The following VANGL2 variants were observed in gnomAD, a reference collection of about 807,000 sequenced individuals.
VANGL2 encodes the protein VANGL planar cell polarity protein 2.
VANGL2 carries 14 observed loss-of-function variants against 50.2 expected under a neutral mutation model. The ratio of observed to expected loss-of-function variants is 0.28; its 90% CI spans 0.18 to 0.44. The LOEUF (loss-of-function observed/expected upper bound fraction) is 0.44, where lower values mean the gene tolerates loss of function less well. VANGL2 is among the 20% of genes least tolerant of loss of function. The pLI is 1.00. For synonymous variants in VANGL2, 295 were observed against 297.2 expected (o/e 0.99, Z 0.08); for missense variants, 533 against 701.5 (o/e 0.76, Z 2.71).
intron 1 of VANGL2, among the ~76,000 whole-genome samples, chr1:160,403,639 G>A (rs1322253384): frequency 2.0e-5 from 3 of 148,540 alleles, no homozygotes; most frequent in Non-Finnish European, 3.0e-5. Context: ...AAAAGGAAGA[G>A]ATCTGATCCC....
intron 1 of VANGL2, among the ~76,000 whole-genome samples, chr1:160,405,092 C>T (rs1650605405): frequency 6.6e-6 from 1 of 152,138 alleles, no homozygotes; most frequent in African/African-American, 2.4e-5. Flanking sequence ...CTCTTTCCTC[C>T]TCTTTCCTGG....
chr1:160,419,077 C>G lies in VANGL2; in HGVS notation c.268C>G (p.Arg90Gly). Residue 90 changes from arginine to glycine, a missense_variant, in exon 4 of 8, where the codon CGC becomes GGC. Transcript: ENST00000368061. This position sits in a 1 kb window ranked among gnomAD's most constrained non-coding sequence, Gnocchi z 5.8. ...CAGCATCTCCCATGATGACCTCACA[C>G]GCATCGCCAAGGACATGGAGGACAG... ...EHSISHDDLT[R>G]IAKDMEDSVP... 6.2e-7 allele frequency: 1 copy of G among 1,614,010 alleles called. No individual in the cohort carries two copies. Among genetic ancestry groups the G allele is most frequent in the Non-Finnish European group, 8.5e-7 (1 of 1,179,872 alleles).
intron 1 of VANGL2, among the ~76,000 whole-genome samples, chr1:160,409,108 G>T (rs188696631): frequency 6.6e-6 from 1 of 152,192 alleles, no homozygotes; most frequent in African/African-American, 2.4e-5. Flanking sequence ...GGTGAGAAGA[G>T]GGGGCAGGAC....
At chr1:160,405,640 G>A (rs1325027914) in intron 1 of VANGL2, among the ~76,000 whole-genome samples, 5 of 151,474 alleles carry the variant, frequency 3.3e-5, no homozygotes, top group African/African-American at 1.2e-4. Flanking sequence ...GGGGAGAGTG[G>A]GATGAAGCTG....
rs1337337939 is a variant in VANGL2, at chr1:160,419,031, A to G, written c.222A>G (p.Val74=). The change falls in exon 4 of 8, where the codon GTA becomes GTG. Residue 74 remains valine, a synonymous_variant. Transcript: ENST00000368061. This position sits in a 1 kb window ranked among gnomAD's most constrained non-coding sequence, Gnocchi z 5.8. ...ACAACTGGGGGGAAACGACGACAGT[A>G]GTAACGGGCACCTCAGAGCACAGCA... ...RDDNWGETTT[V]VTGTSEHSIS... 2 of 1,609,662 alleles carry G rather than the reference A, an allele frequency of 1.2e-6. No homozygotes were observed. Among genetic ancestry groups the G allele is most frequent in the African/African-American group, 2.7e-5 (2 of 74,826 alleles).
intron 1 of VANGL2, among the ~76,000 whole-genome samples, chr1:160,408,471 G>T (rs1650763507): frequency 6.6e-6 from 1 of 152,106 alleles, no homozygotes; most frequent in Non-Finnish European, 1.5e-5. Context: ...CAGTCTGTGG[G>T]CCCTTCCCCT....
chr1:160,421,027 TCTC>T, intron 5 of VANGL2, 22 bp from the exon 6 acceptor site: 3 of 1,613,942 alleles, frequency 1.9e-6, no homozygotes, highest in Non-Finnish European at 2.5e-6. Context: ...GATGTGACCA[TCTC>T]CTCTATCCTG....
At position 160,424,070 on chromosome 1, in the gene VANGL2, G is replaced by A. The variant is rs1160207181; in HGVS notation, c.1092G>A (p.Glu364=). 22 of 1,613,924 alleles carry A rather than the reference G, an allele frequency of 1.4e-5. No individual in the cohort carries two copies. The highest frequency in any genetic ancestry group is 1.9e-5 in the Non-Finnish European group (22 of 1,179,908). Residue 364 remains glutamate (E), a synonymous_variant, in exon 7 of 8, where the codon GAG becomes GAA. Coordinates refer to ENST00000368061, the MANE Select transcript of VANGL2 (RefSeq NM_020335.3). ...CCCCTAGGCTTGTAGTGGCGGTGGA[G>A]GAGGCCTTCACTCACATTAAGCGGC... ...KRRARLVVAV[E]EAFTHIKRLQ...
chr1:160,403,108 C>T (rs1009695366), intron 1 of VANGL2, among the ~76,000 whole-genome samples: 8 of 150,960 alleles, frequency 5.3e-5, no homozygotes, highest in South Asian at 2.1e-4. Context: ...GAACGAGGAA[C>T]GGGGAACGGG....
At chr1:160,405,970 A>G (rs553035843) in intron 1 of VANGL2, among the ~76,000 whole-genome samples, 2 of 152,306 alleles carry the variant, frequency 1.3e-5, no homozygotes, top group Non-Finnish European at 2.9e-5. Flanking sequence ...TTATGGGAGC[A>G]GGAAGTGGAG....
In VANGL2 at chr1:160,419,475, G is replaced by T; in HGVS notation, c.666G>T (p.Leu222=). 6.2e-7 allele frequency: 1 copy of T among 1,607,404 alleles called. No individual in the cohort carries two copies. Residue 222 remains leucine (L), a synonymous_variant, in exon 4 of 8, where the codon CTG becomes CTT. Transcript: ENST00000368061. The surrounding 1 kb of genome is among the most constrained non-coding windows in gnomAD (Gnocchi z 5.8). ...GCGTGGTGCAGTTCGCCGTGTCGCT[G>T]GTGGACGCCCTTCTTTTCGTGCACT... ...YQGVVQFAVS[L]VDALLFVHYL...
Position 160,415,812 on chromosome 1 carries a change from G to A in VANGL2, c.-26G>A, listed in dbSNP as rs753638608. 24 of 1,607,476 alleles carry A rather than the reference G, an allele frequency of 1.5e-5. No individual in the cohort carries two copies. The highest frequency in any genetic ancestry group is 2.2e-5 in the East Asian group (1 of 44,570). Reference sequence around the variant, plus strand: ...AGGCCCCAGCCTGCGGCCCTGGAGCGCTACAAGGCGCGGCGTTCAGACGCC... The same window carrying A: ...AGGCCCCAGCCTGCGGCCCTGGAGCACTACAAGGCGCGGCGTTCAGACGCC... On this transcript the variant is annotated 5_prime_UTR_variant, in exon 2 of 8. Transcript: ENST00000368061.
At chr1:160,410,734 C>T (rs889403360) in intron 1 of VANGL2, among the ~76,000 whole-genome samples, 2 of 151,962 alleles carry the variant, frequency 1.3e-5, no homozygotes, top group Non-Finnish European at 2.9e-5. Context: ...GGCCCTGCTC[C>T]CTCTGCCTGT....
chr1:160,414,927 A>T lies in VANGL2; in HGVS notation c.-190-721A>T, dbSNP rs376361635. ...AGTATGGTTGAAGATAAGCCTATAA[A>T]TAGGCAGATAAACTTGTGCCTTGCC... is the stretch of plus-strand genomic sequence containing the variant. On this transcript the variant is annotated intron_variant, in intron 1 of 7. Coordinates refer to ENST00000368061, the MANE Select transcript of VANGL2 (RefSeq NM_020335.3). 2.2e-4 allele frequency among the ~76,000 whole-genome samples: 34 copies of T among 152,262 alleles called. 3 individuals are homozygous for T. In the East Asian group the frequency reaches 2.7e-3, roughly 12 times the overall value.
At chr1:160,412,873 G>A (rs192869239) in intron 1 of VANGL2, among the ~76,000 whole-genome samples, 230 of 152,222 alleles carry the variant, frequency 1.5e-3, no homozygotes, top group South Asian at 3.1e-3. Context: ...TTATACTATT[G>A]TATTTTTACT....
At chr1:160,424,361 C>T in intron 7 of VANGL2, 78 bp downstream of exon 7, 2 of 1,387,104 alleles carry the variant, frequency 1.4e-6, no homozygotes, top group Non-Finnish European at 2.0e-6. Context: ...CCCTTATTCT[C>T]TCACTACTTT....
intron 5 of VANGL2, among the ~76,000 whole-genome samples, 195 bp from the exon 6 acceptor site, chr1:160,420,857 C>T (rs74762225): frequency 0.013 from 2,029 of 152,312 alleles, 44 homozygotes; most frequent in African/African-American, 0.047. Context: ...AGGACTCTTG[C>T]GCTTCCAGTG....
intron 7 of VANGL2, 122 bp downstream of exon 7, chr1:160,424,405 A>C (rs2101972396): frequency 2.0e-6 from 2 of 977,526 alleles, no homozygotes; most frequent in Middle Eastern, 2.1e-4. Flanking sequence ...TCTCCTCACC[A>C]CCTCCTTTTT....
At position 160,425,288 on chromosome 1, in the gene VANGL2, G is replaced by C. The variant is rs1463422460; in HGVS notation, c.1476G>C (p.Lys492Asn). 2 of 1,614,004 alleles carry C rather than the reference G, an allele frequency of 1.2e-6. No homozygotes were observed. The highest frequency in any genetic ancestry group is 2.7e-5 in the African/African-American group (2 of 74,896). ...ACTTCAGCCTGGTGGTCAGCACCAA[G>C]AAGGTCCCATTCTTCAAACTCTCCG... ...RQDFSLVVSTKKVPFFKLSEE... is the reference protein window; with the variant it reads ...RQDFSLVVSTNKVPFFKLSEE... Residue 492 changes from lysine to asparagine, a missense_variant, in exon 8 of 8, where the codon AAG becomes AAC. Coordinates refer to ENST00000368061, the MANE Select transcript of VANGL2 (RefSeq NM_020335.3).
Sources: allele counts gnomAD v4.1 joint callset (sites outside exome capture counted in the v4.1 genomes callset), GRCh38; gene constraint gnomAD v4.1.1; non-coding constraint Gnocchi (gnomAD v3.1); transcripts MANE v1.5; gene names NCBI Gene and HGNC (gene_info 2026-07-23, HGNC 2026-07-21).